GLDC: variants seen among roughly 807,000 people sequenced by gnomAD.
GLDC encodes the protein glycine dehydrogenase (decarboxylating), mitochondrial.
Under a neutral mutation model 121.3 loss-of-function variants are expected in GLDC, and 104 were observed. That is an observed-to-expected ratio of 0.86 (90% CI 0.73 to 1.01). The LOEUF (loss-of-function observed/expected upper bound fraction) is 1.01. Ranked by LOEUF, GLDC falls within the 50% of genes least tolerant of loss-of-function variation. The pLI, the probability that GLDC is intolerant of heterozygous loss-of-function variation, is 0.00. For synonymous variants in GLDC, 546 were observed against 480.6 expected, an observed-to-expected ratio of 1.14 and a Z score of -1.78; for missense variants, 1,429 against 1,306.6, an observed-to-expected ratio of 1.09 and a Z score of -1.44.
intron 15 of GLDC, among the ~76,000 whole-genome samples, chr9:6,576,296 T>A (rs944335610): frequency 3.9e-5 from 6 of 152,158 alleles, no homozygotes; most frequent in African/African-American, 1.4e-4. Context: ...CATAGATAGC[T>A]GTGGTCTTGC....
intron 3 of GLDC, 108 bp from the exon 4 acceptor site, chr9:6,610,464 G>A: frequency 9.4e-7 from 1 of 1,064,486 alleles, no homozygotes; most frequent in Non-Finnish European, 1.4e-6. Context: ...CCTATCTTGA[G>A]GAGAATTACA....
At chr9:6,576,516 G>T (rs1818068470) in intron 15 of GLDC, among the ~76,000 whole-genome samples, 1 of 151,932 alleles carries the variant, frequency 6.6e-6, no homozygotes, top group African/African-American at 2.4e-5. Context: ...GCCCAGGCTG[G>T]GGTGCAGTGG....
chr9:6,588,460 A>G lies in GLDC; in HGVS notation c.1666-18T>C. 6.2e-7 allele frequency: 1 copy of G among 1,603,316 alleles called. No individual in the cohort carries two copies. ...CAGGATCCCTTTAAGAAGAACATCC[A>G]AAATGTATCACATTAGTGATTTTCT... On this transcript the variant is annotated intron_variant, in intron 13 of 24. Transcript: ENST00000321612.
chr9:6,568,331 G>A (rs922484504), intron 15 of GLDC, among the ~76,000 whole-genome samples: 1 of 152,208 alleles, frequency 6.6e-6, no homozygotes, highest in Non-Finnish European at 1.5e-5. Flanking sequence ...AGTGCCACCT[G>A]TTGGTAGAAA....
chr9:6,593,636 C>T (rs7853921), intron 9 of GLDC, among the ~76,000 whole-genome samples: 3,365 of 151,642 alleles, frequency 0.022, 118 homozygotes, highest in African/African-American at 0.077. Context: ...CTATTTTAAA[C>T]CATATTTAAT....
At chr9:6,601,786 G>A (rs1351358359) in intron 8 of GLDC, among the ~76,000 whole-genome samples, 6 of 151,992 alleles carry the variant, frequency 3.9e-5, no homozygotes, top group African/African-American at 7.3e-5. Context: ...CACCACTGAC[G>A]GCTAATTTAT....
In GLDC at chr9:6,558,581, T is replaced by A. The variant is rs758200296; in HGVS notation, c.2030A>T (p.Asp677Val). ...PVEVDKYGNI[D>V]AVHLKAMVDK... ...TACCATGGCCTTGAGGTGAACTGCA[T>A]CGATATTCCCATATTTATCCACCTC... The change falls in exon 17 of 25, where the codon GAT becomes GTT. Residue 677 changes from aspartate (D) to valine (V), a missense_variant. Asp to Val is a radical substitution (Grantham distance 152). Coordinates refer to ENST00000321612, the MANE Select transcript of GLDC (RefSeq NM_000170.3). The A allele has an allele frequency of 6.2e-7, 1 of 1,614,180 alleles. No homozygotes were observed. Among genetic ancestry groups the A allele is most frequent in the South Asian group, 1.1e-5 (1 of 91,084 alleles).
intron 3 of GLDC, among the ~76,000 whole-genome samples, chr9:6,616,433 C>T (rs1818968012): frequency 6.6e-6 from 1 of 152,130 alleles, no homozygotes; most frequent in Non-Finnish European, 1.5e-5. Context: ...TACATGTAAA[C>T]TTCTTGTATT....
chr9:6,642,907 CT>C (rs141406287), intron 2 of GLDC, among the ~76,000 whole-genome samples: 13 of 148,326 alleles, frequency 8.8e-5, no homozygotes, highest in Admixed American at 1.3e-4. Context: ...CTTCCTTTCT[CT>C]TTTTTTTTTA....
chr9:6,583,632 T>C (rs1206441144), intron 15 of GLDC, among the ~76,000 whole-genome samples: 2 of 152,160 alleles, frequency 1.3e-5, no homozygotes, highest in Non-Finnish European at 2.9e-5. Flanking sequence ...GCCAAGATCC[T>C]GCTACTGCAC....
At chr9:6,575,214 C>CAAA (rs571198952) in intron 15 of GLDC, among the ~76,000 whole-genome samples, 6 of 96,928 alleles carry the variant, frequency 6.2e-5, no homozygotes, top group African/African-American at 1.4e-4. Context: ...TCAAAAGAAG[C>CAAA]AAAAAAAAAA....
At chr9:6,640,223 C>T (rs1284088200) in intron 2 of GLDC, among the ~76,000 whole-genome samples, 1 of 152,192 alleles carries the variant, frequency 6.6e-6, no homozygotes, top group Non-Finnish European at 1.5e-5. Flanking sequence ...CTGTTACAGT[C>T]ATTTAATGGA....
In GLDC at chr9:6,595,038, T is replaced by A. The variant is rs749897689; in HGVS notation, c.1237A>T (p.Asn413Tyr). ...CCTTCTGACAAAATCAAAGTGGCAT[T>A]ATGTACCCTCCTAGCAATATGCTCC... is the stretch of plus-strand genomic sequence containing the variant. ...GLEHIARRVH[N>Y]ATLILSEGLK... The change falls in exon 9 of 25, where the codon AAT becomes TAT. Residue 413 changes from asparagine (N) to tyrosine (Y), a missense_variant. Coordinates refer to ENST00000321612, the MANE Select transcript of GLDC (RefSeq NM_000170.3). 2.2e-5 allele frequency: 36 copies of A among 1,607,038 alleles called. No individual in the cohort carries two copies. The highest frequency in any genetic ancestry group is 2.9e-5 in the Non-Finnish European group (34 of 1,173,638).
intron 15 of GLDC, among the ~76,000 whole-genome samples, chr9:6,575,472 C>G (rs1187742003): frequency 6.6e-6 from 1 of 152,214 alleles, no homozygotes; most frequent in Non-Finnish European, 1.5e-5. Flanking sequence ...TCCAGACTTA[C>G]TGAATCAGAA....
intron 9 of GLDC, among the ~76,000 whole-genome samples, chr9:6,593,938 C>G (rs1047333349): frequency 6.6e-6 from 1 of 152,028 alleles, no homozygotes; most frequent in Non-Finnish European, 1.5e-5. Context: ...AGTGATCCAC[C>G]CGCCTCAGCC....
At chr9:6,626,324 T>G (rs553589573) in intron 2 of GLDC, among the ~76,000 whole-genome samples, 1 of 152,076 alleles carries the variant, frequency 6.6e-6, no homozygotes, top group Non-Finnish European at 1.5e-5. Flanking sequence ...GTCCTGACAA[T>G]TAGCTCCAGG....
At chr9:6,577,541 C>CT (rs1475852432) in intron 15 of GLDC, among the ~76,000 whole-genome samples, 2 of 152,120 alleles carry the variant, frequency 1.3e-5, no homozygotes, top group Non-Finnish European at 2.9e-5. Context: ...ATAAAAATAT[C>CT]TTTTTTGAAT....
intron 14 of GLDC, among the ~76,000 whole-genome samples, chr9:6,587,769 G>A (rs1486645818): frequency 3.3e-5 from 5 of 152,100 alleles, no homozygotes; most frequent in Non-Finnish European, 7.4e-5. Flanking sequence ...TCTGAGATCA[G>A]ACTGGCAAAC....
At chr9:6,612,517 G>A (rs1287713467) in intron 3 of GLDC, among the ~76,000 whole-genome samples, 7 of 151,910 alleles carry the variant, frequency 4.6e-5, no homozygotes, top group South Asian at 2.1e-4. Context: ...GCAATCACTC[G>A]AGCCCTGGAA....
Sources: allele counts gnomAD v4.1 joint callset (sites outside exome capture counted in the v4.1 genomes callset), GRCh38; gene constraint gnomAD v4.1.1; transcripts MANE v1.5; gene names NCBI Gene and HGNC (gene_info 2026-07-23, HGNC 2026-07-21).